The following UBE3D variants were observed in gnomAD, a reference collection of about 807,000 sequenced individuals.
UBE3D encodes E3 ubiquitin-protein ligase E3D.
In UBE3D, 48 loss-of-function variants were observed where a neutral mutation model predicts 49.6. The ratio of observed to expected loss-of-function variants is 0.97; its 90% CI spans 0.77 to 1.23. The LOEUF (loss-of-function observed/expected upper bound fraction) is 1.23, where lower values mean the gene tolerates loss of function less well. UBE3D is among the 50% of genes most tolerant of loss of function. UBE3D has a pLI of 0.00. For synonymous variants in UBE3D, 189 were observed against 174.2 expected (o/e 1.08, Z -0.67); for missense variants, 452 against 468.4 (o/e 0.96, Z 0.32).
At chr6:82,932,470 C>T (rs1774234712) in intron 9 of UBE3D, 1 of 152,072 alleles carries the variant, frequency 6.6e-6, no homozygotes, top group Non-Finnish European at 1.5e-5. Context: ...CTGTGATCTG[C>T]TTGGTCATTT....
chr6:82,966,568 T>A (rs1230384023), intron 8 of UBE3D, among the ~76,000 whole-genome samples: 1 of 73,368 alleles, frequency 1.4e-5, no homozygotes, highest in Non-Finnish European at 2.7e-5. Flanking sequence ...GAGAATGGCG[T>A]GAACCCGGGA....
At chr6:82,995,490 TCACA>T (rs56663287) in intron 8 of UBE3D, among the ~76,000 whole-genome samples, 4 of 138,276 alleles carry the variant, frequency 2.9e-5, no homozygotes, top group Admixed American at 2.1e-4. Context: ...ATACTAACAA[TCACA>T]CACACACACA....
chr6:82,970,793 C>T (rs556224942), intron 8 of UBE3D, among the ~76,000 whole-genome samples: 4 of 152,056 alleles, frequency 2.6e-5, no homozygotes, highest in Non-Finnish European at 5.9e-5. Context: ...GAGTCAAGGT[C>T]ACGCCACTGC....
At chr6:83,044,234 G>A (rs188048332) in intron 4 of UBE3D, among the ~76,000 whole-genome samples, 194 bp downstream of exon 4, 55 of 152,204 alleles carry the variant, frequency 3.6e-4, no homozygotes, top group Non-Finnish European at 6.8e-4. Context: ...TCTTCCAGGC[G>A]CCTGTGGCTG....
At chr6:82,950,940 T>C (rs938010369) in intron 9 of UBE3D, among the ~76,000 whole-genome samples, 1 of 150,606 alleles carries the variant, frequency 6.6e-6, no homozygotes, top group South Asian at 2.1e-4. Context: ...AGTAGAAAGA[T>C]GGTTACCAAA....
intron 8 of UBE3D, among the ~76,000 whole-genome samples, chr6:82,997,583 G>A (rs530540920): frequency 6.7e-4 from 102 of 152,200 alleles, no homozygotes; most frequent in African/African-American, 2.3e-3. Flanking sequence ...GCCAGGCATG[G>A]TGGCGGGTGC....
At chr6:82,916,965 A>G (rs188264137) in intron 9 of UBE3D, among the ~76,000 whole-genome samples, 3 of 152,318 alleles carry the variant, frequency 2.0e-5, no homozygotes, top group Admixed American at 2.0e-4. Flanking sequence ...TATTGTGTCT[A>G]AAAACGGACA....
intron 8 of UBE3D, among the ~76,000 whole-genome samples, chr6:82,961,195 G>A (rs1026559479): frequency 6.6e-6 from 1 of 152,160 alleles, no homozygotes; most frequent in Non-Finnish European, 1.5e-5. Flanking sequence ...ATTTGCAAGA[G>A]AAAGGGAAAA....
intron 5 of UBE3D, chr6:83,037,715 T>G (rs1181456555): frequency 6.6e-6 from 1 of 152,244 alleles, no homozygotes; most frequent in East Asian, 1.9e-4. Context: ...CACAGCATGT[T>G]GTAGTTCTCT....
chr6:82,922,951 T>C (rs560269576), intron 9 of UBE3D, among the ~76,000 whole-genome samples: 1 of 152,246 alleles, frequency 6.6e-6, no homozygotes, highest in South Asian at 2.1e-4. Context: ...AACAGACATA[T>C]GAAAAAATGC....
chr6:82,900,844 C>T (rs1771679106), intron 9 of UBE3D, among the ~76,000 whole-genome samples: 1 of 152,148 alleles, frequency 6.6e-6, no homozygotes. Context: ...CCTTTGAAAA[C>T]CATCCTGGAC....
chr6:83,039,957 A>C (rs1020305061), intron 4 of UBE3D, among the ~76,000 whole-genome samples: 2 of 152,188 alleles, frequency 1.3e-5, no homozygotes, highest in African/African-American at 4.8e-5. Flanking sequence ...TTTTTAAAAA[A>C]TGAAATACAA....
chr6:83,039,976 A>G (rs1354419715), intron 4 of UBE3D, among the ~76,000 whole-genome samples: 1 of 152,194 alleles, frequency 6.6e-6, no homozygotes, highest in African/African-American at 2.4e-5. Flanking sequence ...AATAGAACAG[A>G]AAATATGACA....
At chr6:82,973,531 C>T (rs766854415) in intron 8 of UBE3D, among the ~76,000 whole-genome samples, 2 of 151,374 alleles carry the variant, frequency 1.3e-5, no homozygotes, top group African/African-American at 4.9e-5. Flanking sequence ...TTGAAACTTC[C>T]GAAGGCCACT....
At chr6:82,906,936 C>A (rs1772144120) in intron 9 of UBE3D, among the ~76,000 whole-genome samples, 1 of 152,114 alleles carries the variant, frequency 6.6e-6, no homozygotes, top group Non-Finnish European at 1.5e-5. Flanking sequence ...TTCATGAGTC[C>A]CTCCCTTTTC....
intron 7 of UBE3D, 45 bp downstream of exon 7, chr6:83,022,408 C>T: frequency 7.8e-7 from 1 of 1,284,142 alleles, no homozygotes. Context: ...ATTCTGAGAC[C>T]TTGGATTCCT....
intron 7 of UBE3D, among the ~76,000 whole-genome samples, chr6:83,021,005 G>C (rs1781053014): frequency 6.6e-6 from 1 of 152,150 alleles, no homozygotes; most frequent in African/African-American, 2.4e-5. Context: ...GCTTCTGCAG[G>C]ACACTGTTTT....
At chr6:83,029,411 G>A (rs559053158) in intron 5 of UBE3D, among the ~76,000 whole-genome samples, 12 of 151,858 alleles carry the variant, frequency 7.9e-5, no homozygotes, top group Non-Finnish European at 1.3e-4. Flanking sequence ...TTTCTTTACG[G>A]TTACAGTACA....
intron 9 of UBE3D, chr6:82,924,725 A>C (rs920855532): frequency 6.6e-6 from 1 of 152,090 alleles, no homozygotes; most frequent in Non-Finnish European, 1.5e-5. Flanking sequence ...TTCCTTTAAA[A>C]TTTTTTCATC....
Sources: gnomAD v4.1 joint callset for allele counts (sites outside exome capture counted in the v4.1 genomes callset) on GRCh38, gnomAD v4.1.1 for gene constraint, MANE v1.5 for transcripts, NCBI Gene and HGNC (gene_info 2026-07-23, HGNC 2026-07-21) for gene names.